Variants in CDHR1 observed in about 807,000 individuals in gnomAD.
CDHR1 encodes the protein cadherin related family member 1, also known as cadherin-related family member 1.
CDHR1 carries 61 observed loss-of-function variants against 72.1 expected under a neutral mutation model. The ratio of observed to expected loss-of-function variants is 0.85; its 90% confidence interval spans 0.69 to 1.05. The LOEUF (loss-of-function observed/expected upper bound fraction) is 1.05, where lower values mean the gene tolerates loss of function less well. Ranked by LOEUF, CDHR1 falls within the 50% of genes least tolerant of loss-of-function variation. The pLI is 0.00. For missense variants in CDHR1, 1,186 were observed against 1,115.7 expected (o/e 1.06, Z -0.90); for synonymous variants, 470 against 448.1 (o/e 1.05, Z -0.62).
intron 11 of CDHR1, among the ~76,000 whole-genome samples, 170 bp downstream of exon 11, chr10:84,208,547 C>T (rs1842271875): frequency 6.6e-6 from 1 of 152,118 alleles, no homozygotes; most frequent in Admixed American, 6.5e-5. Context: ...GGAGAGTAAC[C>T]AATCAAAGAC....
rs571662198 is a variant in CDHR1 at position 84,199,085 on chromosome 10, G to C, written c.402G>C (p.Arg134Ser). The part of the protein sequence containing the change: ...LVTDANDEAP[R>S]FIQEPYVALV... Reference sequence around the variant, plus strand: ...CCGATGCCAATGATGAGGCGCCCAGGTTCATCCAGGAGCCTTATGTTGCCC... The same window carrying C: ...CCGATGCCAATGATGAGGCGCCCAGCTTCATCCAGGAGCCTTATGTTGCCC... Residue 134 changes from arginine to serine, a missense_variant, in exon 5 of 17, where the codon AGG becomes AGC. By Grantham distance (110) the Arg-to-Ser change is moderately radical. Coordinates refer to ENST00000623527, the MANE Select transcript of CDHR1 (RefSeq NM_033100.4). 1.3e-6 allele frequency: 2 copies of C among 1,551,512 alleles called. No homozygotes were observed. The highest frequency in any genetic ancestry group is 2.4e-5 in the East Asian group (1 of 40,916).
rs537372158 is a variant in CDHR1, at chr10:84,200,483, G to T, written c.439-118G>T. 59 of 738,620 alleles carry T rather than the reference G, an allele frequency of 8.0e-5. No individual in the cohort carries two copies. The African/African-American group carries it at 9.4e-4, about 12-fold the overall frequency. 45.8% of individuals were successfully genotyped at this position (738,620 alleles called of 1,614,324 possible). ...GTGCTCACACATTTTATCCTCAATT[G>T]TTCACCTCTTTTTGACACTTCACTC... On this transcript the variant is annotated intron_variant, in intron 5 of 16. Transcript: ENST00000623527.
rs1020065915 is a variant in CDHR1 at position 84,214,874 on chromosome 10, C to A, written c.*253C>A. ...AATTGGCAAATACGTCCCCGTTACT[C>A]AAATCCTTGGCACTACTACAATGCC... On this transcript the variant is annotated 3_prime_UTR_variant, in exon 17 of 17. Transcript: ENST00000623527. The A allele has an allele frequency of 2.8e-6, 4 of 1,437,488 alleles. No homozygotes were observed. The highest frequency in any genetic ancestry group is 2.7e-6 in the Non-Finnish European group (3 of 1,102,236). The allele number at this position is 1,437,488 out of a possible 1,614,324, so 89.0% of individuals were successfully genotyped here.
chr10:84,213,483 C>A, intron 16 of CDHR1, 135 bp downstream of exon 16: 2 of 1,155,504 alleles, frequency 1.7e-6, no homozygotes, highest in Non-Finnish European at 2.6e-6. Flanking sequence ...GCAGCCTGTG[C>A]CATCAAACAC....
chr10:84,201,513 G>A (rs1842124485), intron 6 of CDHR1, among the ~76,000 whole-genome samples: 2 of 152,206 alleles, frequency 1.3e-5, no homozygotes, highest in Admixed American at 6.5e-5. Flanking sequence ...GACCCTCCAG[G>A]CCAGAGCTAA....
intron 15 of CDHR1, among the ~76,000 whole-genome samples, chr10:84,212,666 C>T (rs539488775): frequency 6.6e-6 from 1 of 152,272 alleles, no homozygotes; most frequent in South Asian, 2.1e-4. Context: ...AGCTGGTCTG[C>T]CTGCTTTTCA....
chr10:84,211,631 G>A lies in CDHR1; in HGVS notation c.1486-17G>A, dbSNP rs1465406067. On this transcript the variant is annotated splice_polypyrimidine_tract_variant and intron_variant, in intron 13 of 16. Coordinates refer to ENST00000623527, the MANE Select transcript of CDHR1 (RefSeq NM_033100.4). ...TGACAAAGAGGCACGTGCCACCCAG[G>A]GCTCTTTCTCTTCCAGGCTGTGGAT... 1.9e-6 allele frequency: 3 copies of A among 1,613,328 alleles called. No individual in the cohort carries two copies. In the South Asian group the frequency reaches 3.3e-5, roughly 18 times the overall value.
chr10:84,197,683 C>G, intron 3 of CDHR1, 103 bp from the exon 4 acceptor site: 1 of 1,071,962 alleles, frequency 9.3e-7, no homozygotes, highest in East Asian at 2.4e-5. Flanking sequence ...CACGCCCAGA[C>G]CTCCTCTGAT....
At position 84,214,361 on chromosome 10, in the gene CDHR1, C is replaced by T; in HGVS notation, c.2320C>T (p.Pro774Ser). 2 of 1,614,198 alleles carry T rather than the reference C, an allele frequency of 1.2e-6. No individual in the cohort carries two copies. Among genetic ancestry groups the T allele is most frequent in the Non-Finnish European group, 1.7e-6 (2 of 1,180,050 alleles). ...ATKFMLKEKP[P>S]NENCNNNSPE... is the part of the protein sequence containing the mutation. Reference sequence around the variant, plus strand: ...CAAGTTCATGCTCAAAGAGAAACCTCCCAATGAGAACTGTAACAACAACAG... The same window carrying T: ...CAAGTTCATGCTCAAAGAGAAACCTTCCAATGAGAACTGTAACAACAACAG... Residue 774 changes from proline (P) to serine (S), a missense_variant, in exon 17 of 17, where the codon CCC becomes TCC. Coordinates refer to ENST00000623527, the MANE Select transcript of CDHR1 (RefSeq NM_033100.4).
chr10:84,202,044 G>A (rs12415295), intron 7 of CDHR1, 124 bp downstream of exon 7: 10,473 of 760,682 alleles, frequency 0.014, 288 homozygotes, highest in Admixed American at 0.068. Flanking sequence ...TGGGGAAATA[G>A]GGAGCAGCTG....
chr10:84,219,311 A>G, downstream of CDHR1: 1 of 1,543,894 alleles, frequency 6.5e-7, no homozygotes, highest in Non-Finnish European at 8.7e-7. Context: ...TCCCTAGACC[A>G]TTTTCCCTCT....
Position 84,194,657 on chromosome 10 carries a change from C to T in CDHR1, c.-104C>T, listed in dbSNP as rs1841993874. ...CCTCCCGCCGCGGCTGCAGTCGCCG[C>T]TACCCCCATTGTGGTCTCTGCCCTC... On this transcript the variant is annotated 5_prime_UTR_variant, in exon 1 of 17. Coordinates refer to ENST00000623527, the MANE Select transcript of CDHR1 (RefSeq NM_033100.4). 4.2e-6 allele frequency: 4 copies of T among 943,052 alleles called. No homozygotes were observed. The highest frequency in any genetic ancestry group is 5.8e-6 in the Non-Finnish European group (4 of 685,300). 58.4% of individuals were successfully genotyped at this position (943,052 alleles called of 1,614,324 possible).
chr10:84,211,009 T>A lies in CDHR1; in HGVS notation c.1329T>A (p.Ala443=), dbSNP rs1422982702. 6.2e-7 allele frequency: 1 copy of A among 1,614,202 alleles called. No individual in the cohort carries two copies. Residue 443 remains alanine, a synonymous_variant, in exon 13 of 17, where the codon GCT becomes GCA. Transcript: ENST00000623527. ...KSKVLTFKLL[A]VEVNTPEKFS... is the part of the protein sequence containing the mutation. ...TTTTCCCCCCTTCCCAGCTCCTGGC[T>A]GTTGAAGTGAACACCCCAGAGAAGT...
At position 84,197,602 on chromosome 10, in the gene CDHR1, G is replaced by T. The variant is rs56309754; in HGVS notation, c.298-184G>T. 1.7e-3 allele frequency among the ~76,000 whole-genome samples: 265 copies of T among 152,168 alleles called. 2 individuals carry two copies. The highest frequency in any genetic ancestry group is 6.0e-3 in the African/African-American group (249 of 41,518). ...AGTCCCAAAATAAGGTCTCAAGCATGGGGGGAGGCAGCTTTCTACTCTGCC... is the reference window on the plus strand; with the variant it reads ...AGTCCCAAAATAAGGTCTCAAGCATTGGGGGAGGCAGCTTTCTACTCTGCC... On this transcript the variant is annotated intron_variant, in intron 3 of 16. Coordinates refer to ENST00000623527, the MANE Select transcript of CDHR1 (RefSeq NM_033100.4).
Position 84,214,863 on chromosome 10 carries a change from T to G in CDHR1, c.*242T>G, listed in dbSNP as rs886047331. The stretch of plus-strand genomic sequence containing the variant: ...CTCTAGGATGCAATTGGCAAATACG[T>G]CCCCGTTACTCAAATCCTTGGCACT... On this transcript the variant is annotated 3_prime_UTR_variant, in exon 17 of 17. Transcript: ENST00000623527. The G allele has an allele frequency of 3.5e-6, 5 of 1,446,084 alleles. No individual in the cohort carries two copies. The highest frequency in any genetic ancestry group is 1.4e-5 in the African/African-American group (1 of 70,036). 89.6% of individuals were successfully genotyped at this position (1,446,084 alleles called of 1,614,324 possible). A position where few individuals can be genotyped will look rare whatever the true frequency, so the allele number is the denominator to read the frequency against.
chr10:84,210,093 G>A (rs192346995), intron 12 of CDHR1, among the ~76,000 whole-genome samples: 44 of 152,298 alleles, frequency 2.9e-4, no homozygotes, highest in Admixed American at 5.9e-4. Flanking sequence ...TGTGGTGCAC[G>A]CCTGTAGTCT....
chr10:84,212,318 A>G lies in CDHR1; in HGVS notation c.1693A>G (p.Thr565Ala), dbSNP rs771816337. 6.2e-7 allele frequency: 1 copy of G among 1,614,230 alleles called. No homozygotes were observed. Among genetic ancestry groups the G allele is most frequent in the East Asian group, 2.2e-5 (1 of 44,878 alleles). ...GKYSVAEVFI[T>A]LLDVNDHPPQ... ...GTACAGCGTAGCTGAGGTGTTTATC[A>G]CACTGCTGGATGTCAATGACCACCC... Residue 565 changes from threonine to alanine, a missense_variant, in exon 15 of 17, where the codon ACA (threonine) becomes GCA (alanine). Physicochemically the swap from Thr to Ala is moderately conservative, Grantham distance 58. Coordinates refer to ENST00000623527, the MANE Select transcript of CDHR1 (RefSeq NM_033100.4).
chr10:84,197,638 T>C (rs1206258183), intron 3 of CDHR1, 148 bp from the exon 4 acceptor site: 2 of 762,078 alleles, frequency 2.6e-6, no homozygotes, highest in African/African-American at 3.4e-5. Flanking sequence ...AGGCATGCTG[T>C]CACCACCACT....
chr10:84,195,988 C>T (rs962664504), intron 2 of CDHR1, among the ~76,000 whole-genome samples: 19 of 152,228 alleles, frequency 1.2e-4, no homozygotes, highest in South Asian at 6.2e-4. Context: ...CTCCTTCTCC[C>T]TCACTTTGTG....
Sources: allele counts gnomAD v4.1 joint callset (sites outside exome capture counted in the v4.1 genomes callset), GRCh38; gene constraint gnomAD v4.1.1; transcripts MANE v1.5; gene names NCBI Gene and HGNC (gene_info 2026-07-23, HGNC 2026-07-21).